AKR1C4: variants seen among roughly 807,000 people sequenced by gnomAD.
The protein encoded by AKR1C4 is 3-alpha-HSD1.
A neutral mutation model predicts 41.0 loss-of-function variants in AKR1C4; 44 were observed. The observed-to-expected ratio is 1.07, with a 90% CI of 0.84 to 1.38. The LOEUF (loss-of-function observed/expected upper bound fraction) is 1.38, where lower values mean the gene tolerates loss of function less well. AKR1C4 is among the 40% of genes most tolerant of loss of function. The pLI, the probability that AKR1C4 is intolerant of heterozygous loss-of-function variation, is 0.00. For synonymous variants in AKR1C4, 165 were observed against 137.7 expected (o/e 1.20, Z -1.39); for missense variants, 438 against 387.9 (o/e 1.13, Z -1.09).
chr10:5,210,985 A>G (rs1280856851), intron 5 of AKR1C4, among the ~76,000 whole-genome samples: 2 of 152,156 alleles, frequency 1.3e-5, no homozygotes, highest in African/African-American at 4.8e-5. Flanking sequence ...TGGGACTTGC[A>G]CCCTGTGCAG....
intron 8 of AKR1C4, 136 bp downstream of exon 8, chr10:5,216,929 C>T (rs1054836460): frequency 1.1e-5 from 7 of 614,022 alleles, no homozygotes; most frequent in African/African-American, 1.9e-5. Flanking sequence ...CTCTGGAACT[C>T]TCCTTCTGGA....
intron 1 of AKR1C4, among the ~76,000 whole-genome samples, chr10:5,199,472 T>A (rs896234404): frequency 6.6e-6 from 1 of 152,150 alleles, no homozygotes. Flanking sequence ...TGGCCTGCCA[T>A]GCCCCCATCC....
chr10:5,212,515 T>C (rs1022228880), intron 5 of AKR1C4, 101 bp from the exon 6 acceptor site: 1 of 1,052,070 alleles, frequency 9.5e-7, no homozygotes. Context: ...AGTAATATTC[T>C]GTTCAAATTT....
chr10:5,212,556 C>CT lies in AKR1C4; in HGVS notation c.571-57dup, dbSNP rs1832591658. On this transcript the variant is annotated intron_variant, in intron 5 of 8. Transcript: ENST00000263126. ...TATACTTTATTCAGCTTATTTTAAT[C>CT]TTTATATTAACATATCTGTTTTGAA... 3 of 1,406,706 alleles carry CT rather than the reference C, an allele frequency of 2.1e-6. No individual in the cohort carries two copies. In the African/African-American group the frequency reaches 4.3e-5, roughly 20 times the overall value. 87.1% of individuals were successfully genotyped at this position (1,406,706 alleles called of 1,614,324 possible). A position where few individuals can be genotyped will look rare whatever the true frequency, so the allele number is the denominator to read the frequency against.
intron 2 of AKR1C4, among the ~76,000 whole-genome samples, chr10:5,202,941 G>T (rs373044503): frequency 4.0e-3 from 57 of 14,420 alleles, no homozygotes; most frequent in African/African-American, 5.9e-3. Flanking sequence ...GTTTTCTTTT[G>T]TGTGTGTGTG....
At chr10:5,210,610 T>A (rs1467002550) in intron 5 of AKR1C4, among the ~76,000 whole-genome samples, 1 of 4,136 alleles carries the variant, frequency 2.4e-4, no homozygotes, top group East Asian at 0.5. Context: ...ACCTCAATTT[T>A]TTTTTTTTTT....
chr10:5,213,162 G>A lies in AKR1C4; in HGVS notation c.846+3G>A, dbSNP rs1554798135. ...AGCGGATCAGAGAGAACATCCAGGT[G>A]AGGAGTTGGGTGGGCATCAGGGCTC... On this transcript the variant is annotated splice_donor_region_variant and intron_variant, in intron 7 of 8. Transcript: ENST00000263126. The A allele has an allele frequency of 6.2e-7, 1 of 1,612,910 alleles. No individual in the cohort carries two copies. Among genetic ancestry groups the A allele is most frequent in the African/African-American group, 1.3e-5 (1 of 74,904 alleles).
chr10:5,216,088 C>T (rs1205904610), intron 7 of AKR1C4, among the ~76,000 whole-genome samples: 7 of 152,134 alleles, frequency 4.6e-5, no homozygotes, highest in African/African-American at 1.7e-4. Flanking sequence ...TTGGTGAGGG[C>T]TCAGGAAGCA....
chr10:5,198,348 G>A (rs1418289135), intron 1 of AKR1C4, among the ~76,000 whole-genome samples: 8 of 152,114 alleles, frequency 5.3e-5, no homozygotes, highest in African/African-American at 9.7e-5. Context: ...GTTGGAGCCT[G>A]GCTGGTATCT....
intron 5 of AKR1C4, among the ~76,000 whole-genome samples, chr10:5,209,840 G>A (rs1554797769): frequency 2.0e-5 from 3 of 151,198 alleles, no homozygotes. Flanking sequence ...CATTTGGGTG[G>A]GGACACATAG....
chr10:5,215,252 ATC>A (rs1196655668), intron 7 of AKR1C4, among the ~76,000 whole-genome samples: 2 of 152,216 alleles, frequency 1.3e-5, no homozygotes, highest in Non-Finnish European at 2.9e-5. Context: ...TCTCCTTCTA[ATC>A]TCATGTTAAA....
intron 8 of AKR1C4, among the ~76,000 whole-genome samples, chr10:5,217,002 G>T (rs564410559): frequency 3.3e-4 from 51 of 152,300 alleles, no homozygotes; most frequent in African/African-American, 1.2e-3. Flanking sequence ...CGGTCAACCT[G>T]TGCCTCTGCT....
chr10:5,203,697 G>T (rs1356353157), intron 2 of AKR1C4, among the ~76,000 whole-genome samples: 1 of 152,198 alleles, frequency 6.6e-6, no homozygotes, highest in Non-Finnish European at 1.5e-5. Flanking sequence ...TTTGCAGTGT[G>T]AATCTCTATA....
At chr10:5,210,789 T>C (rs932776971) in intron 5 of AKR1C4, among the ~76,000 whole-genome samples, 1 of 152,128 alleles carries the variant, frequency 6.6e-6, no homozygotes, top group African/African-American at 2.4e-5. Flanking sequence ...TTTTTGCATC[T>C]TTAGTAGAGA....
intron 2 of AKR1C4, 94 bp from the exon 3 acceptor site, chr10:5,204,283 G>A: frequency 1.0e-6 from 1 of 978,752 alleles, no homozygotes; most frequent in Admixed American, 2.0e-5. Context: ...TCATCTGTTT[G>A]GAACGGTGAA....
chr10:5,205,726 G>A (rs1408439898), intron 3 of AKR1C4, 31 bp from the exon 4 acceptor site: 30 of 1,598,374 alleles, frequency 1.9e-5, no homozygotes, highest in Non-Finnish European at 2.5e-5. Flanking sequence ...AAAGTTAAAT[G>A]GTGACACTAA....
intron 5 of AKR1C4, among the ~76,000 whole-genome samples, chr10:5,210,745 G>T (rs554358039): frequency 6.6e-6 from 1 of 152,182 alleles, no homozygotes; most frequent in Admixed American, 6.5e-5. Flanking sequence ...CAGAGTAGCT[G>T]GGATTACAGG....
rs1832635899 is a variant in AKR1C4 at position 5,215,091 on chromosome 10, AAG to A, written c.847-1617_847-1616del. On this transcript the variant is annotated intron_variant, in intron 7 of 8. Coordinates refer to ENST00000263126, the MANE Select transcript of AKR1C4 (RefSeq NM_001818.5). ...GTGAAACTGTATAATGCTGCAGACA[AAG>A]AGGATCTCAACAGATACTAGAGATG... Among the ~76,000 whole-genome samples, 3 of 152,334 alleles carry A rather than the reference AAG, an allele frequency of 2.0e-5. No homozygotes were observed. The South Asian group carries it at 6.2e-4, about 32-fold the overall frequency.
chr10:5,204,588 T>C (rs1832455051), intron 3 of AKR1C4, 95 bp downstream of exon 3: 1 of 981,788 alleles, frequency 1.0e-6, no homozygotes, highest in African/African-American at 1.6e-5. Context: ...GGTGTAGGTG[T>C]TATTACATGG....
Sources: allele counts gnomAD v4.1 joint callset (sites outside exome capture counted in the v4.1 genomes callset), GRCh38; gene constraint gnomAD v4.1.1; transcripts MANE v1.5; gene names NCBI Gene and HGNC (gene_info 2026-07-23, HGNC 2026-07-21).